NCAM2: variants seen among roughly 807,000 people sequenced by gnomAD.
NCAM2 encodes N-CAM-2.
Under a neutral mutation model 98.1 loss-of-function variants are expected in NCAM2, and 30 were observed. The ratio of observed to expected loss-of-function variants is 0.31; its 90% CI spans 0.23 to 0.41. The LOEUF (loss-of-function observed/expected upper bound fraction) is 0.41. Among genes scored for constraint, NCAM2 ranks in the 10% least tolerant of loss-of-function variants. NCAM2 has a pLI of 1.00. For synonymous variants in NCAM2, 368 were observed against 342.4 expected (o/e 1.07, Z -0.83); for missense variants, 867 against 1,005.8 (o/e 0.86, Z 1.87).
At chr21:21,102,088 C>CTT (rs778891230) in intron 1 of NCAM2, among the ~76,000 whole-genome samples, 7 of 151,968 alleles carry the variant, frequency 4.6e-5, no homozygotes, top group Non-Finnish European at 8.8e-5. Context: ...TCCTGAGTGT[C>CTT]TGAGTGCCAT....
Position 21,114,172 on chromosome 21 carries a change from C to T in NCAM2, c.55+115554C>T, listed in dbSNP as rs75669831. ...AAGCATTTTGAGTATGCTTTTTAAC[C>T]TAACTCTCAAATATCCTGATATATC... On this transcript the variant is annotated intron_variant, in intron 1 of 17. Transcript: ENST00000400546. 3.3e-3 allele frequency among the ~76,000 whole-genome samples: 495 copies of T among 152,122 alleles called. 1 individual carries two copies. Among genetic ancestry groups the T allele is most frequent in the African/African-American group, 0.011 (475 of 41,498 alleles).
chr21:21,232,509 G>T (rs558836912), intron 1 of NCAM2, among the ~76,000 whole-genome samples: 1 of 151,598 alleles, frequency 6.6e-6, no homozygotes, highest in Non-Finnish European at 1.5e-5. Flanking sequence ...TGGCAGTCAT[G>T]TCTTTGGCAT....
At chr21:21,218,394 T>G (rs1341799148) in intron 1 of NCAM2, among the ~76,000 whole-genome samples, 1 of 152,024 alleles carries the variant, frequency 6.6e-6, no homozygotes, top group East Asian at 1.9e-4. Context: ...AACTAGATAG[T>G]GAATGTTTAA....
intron 11 of NCAM2, among the ~76,000 whole-genome samples, chr21:21,430,617 G>T (rs1398443586): frequency 6.6e-6 from 1 of 151,900 alleles, no homozygotes; most frequent in East Asian, 1.9e-4. Flanking sequence ...AAAACGGGAA[G>T]AGCCAGACCA....
chr21:21,208,707 A>G (rs1281281959), intron 1 of NCAM2, among the ~76,000 whole-genome samples: 1 of 152,054 alleles, frequency 6.6e-6, no homozygotes, highest in Admixed American at 6.6e-5. Flanking sequence ...AATCTTTGAC[A>G]TTTTCTTCCT....
intron 16 of NCAM2, among the ~76,000 whole-genome samples, chr21:21,516,298 G>T (rs900289520): frequency 6.6e-6 from 1 of 152,080 alleles, no homozygotes; most frequent in East Asian, 1.9e-4. Context: ...CTAACAAATG[G>T]AGAGACCATT....
chr21:21,467,459 AT>A (rs2146216249), intron 13 of NCAM2, among the ~76,000 whole-genome samples: 1 of 76,716 alleles, frequency 1.3e-5, no homozygotes, highest in South Asian at 3.4e-4. Context: ...GACAGTCAAA[AT>A]GGCTGCAATA....
intron 1 of NCAM2, among the ~76,000 whole-genome samples, chr21:21,234,989 T>C (rs1285024967): frequency 6.6e-6 from 1 of 152,102 alleles, no homozygotes; most frequent in African/African-American, 2.4e-5. Flanking sequence ...TGCTATAATA[T>C]TTTGCAGTTT....
rs1156588500 is a variant in NCAM2 at position 21,479,583 on chromosome 21, CAAAA to C, written c.2077+2134_2077+2137del. Among the ~76,000 whole-genome samples the C allele has an allele frequency of 5.4e-3, 167 of 30,950 alleles. 6 individuals carry two copies. Among genetic ancestry groups the C allele is most frequent in the South Asian group, 0.027 (21 of 776 alleles). The allele number at this position is 30,950 out of a possible 152,430, so 20.3% of individuals were successfully genotyped here. On this transcript the variant is annotated intron_variant, in intron 15 of 17. Coordinates refer to ENST00000400546, the MANE Select transcript of NCAM2 (RefSeq NM_004540.5). ...TGGGAGACAGAGCGAGACTGCGTCT[CAAAA>C]AAAAAAAAAAAAAAAAAAAAATTGT...
At chr21:21,014,516 A>G (rs2064270331) in intron 1 of NCAM2, among the ~76,000 whole-genome samples, 1 of 152,188 alleles carries the variant, frequency 6.6e-6, no homozygotes, top group African/African-American at 2.4e-5. Flanking sequence ...TGTTTACAAC[A>G]TGATTTACTG....
At chr21:21,436,926 TA>T (rs1978434065) in intron 12 of NCAM2, among the ~76,000 whole-genome samples, 1 of 137,800 alleles carries the variant, frequency 7.3e-6, no homozygotes, top group Non-Finnish European at 1.6e-5. Context: ...CACACCTGGC[TA>T]ATTTTTTTTT....
At position 21,136,685 on chromosome 21, in the gene NCAM2, C is replaced by G. The variant is rs575432880; in HGVS notation, c.55+138067C>G. 1.0e-3 allele frequency among the ~76,000 whole-genome samples: 132 copies of G among 126,238 alleles called. 1 individual carries two copies. The highest frequency in any genetic ancestry group is 4.1e-3 in the African/African-American group (124 of 29,884). 82.8% of individuals were successfully genotyped at this position (126,238 alleles called of 152,430 possible). A position where few individuals can be genotyped will look rare whatever the true frequency, so the allele number is the denominator to read the frequency against. The stretch of plus-strand genomic sequence containing the variant: ...GTTTCACCGTTCTGCCCAGGCTGGT[C>G]TCGAACTCCTGAGCTCAGACAGTCT... On this transcript the variant is annotated intron_variant, in intron 1 of 17. Transcript: ENST00000400546.
intron 1 of NCAM2, among the ~76,000 whole-genome samples, chr21:21,100,495 C>T (rs1472488127): frequency 1.3e-5 from 2 of 151,666 alleles, no homozygotes; most frequent in Admixed American, 6.6e-5. Context: ...CGTGTAGAAA[C>T]GGGGAGAAAG....
In NCAM2 at chr21:21,186,181, A is replaced by G. The variant is rs191657551; in HGVS notation, c.56-94397A>G. Among the ~76,000 whole-genome samples the G allele has an allele frequency of 3.8e-3, 583 of 152,312 alleles. 2 individuals are homozygous for G. The highest frequency in any genetic ancestry group is 0.013 in the African/African-American group (558 of 41,578). On this transcript the variant is annotated intron_variant, in intron 1 of 17. Transcript: ENST00000400546. Reference sequence around the variant, plus strand: ...TATAAAGAGAAGTGAATTATGTTAAAGCTATCAAAAATTAGTTTTCAAAGG... The same window carrying G: ...TATAAAGAGAAGTGAATTATGTTAAGGCTATCAAAAATTAGTTTTCAAAGG...
intron 14 of NCAM2, among the ~76,000 whole-genome samples, chr21:21,471,544 G>A (rs1984442018): frequency 6.6e-6 from 1 of 151,898 alleles, no homozygotes; most frequent in Admixed American, 6.6e-5. Context: ...GTACATAGAG[G>A]AATCTGGAAA....
At chr21:21,066,511 A>G (rs1345347737) in intron 1 of NCAM2, among the ~76,000 whole-genome samples, 3 of 152,112 alleles carry the variant, frequency 2.0e-5, no homozygotes, top group Non-Finnish European at 4.4e-5. Flanking sequence ...GCATTATGGG[A>G]CACAGCTAAA....
At chr21:21,364,531 G>A (rs1332785928) in intron 8 of NCAM2, among the ~76,000 whole-genome samples, 1 of 151,686 alleles carries the variant, frequency 6.6e-6, no homozygotes, top group African/African-American at 2.4e-5. Flanking sequence ...TAATGACATA[G>A]GTATGTTAAC....
chr21:21,466,569 A>G (rs777886913), intron 12 of NCAM2, 37 bp from the exon 13 acceptor site: 1 of 1,438,736 alleles, frequency 7.0e-7, no homozygotes, highest in Non-Finnish European at 9.4e-7. Flanking sequence ...ATATGTATAT[A>G]TATGTTTTAT....
chr21:21,118,748 AAC>A (rs2066613909), intron 1 of NCAM2, among the ~76,000 whole-genome samples: 1 of 151,858 alleles, frequency 6.6e-6, no homozygotes, highest in South Asian at 2.1e-4. Context: ...ATCCATCCTC[AAC>A]ACACATATTA....
Sources: gnomAD v4.1 joint callset for allele counts (sites outside exome capture counted in the v4.1 genomes callset) on GRCh38, gnomAD v4.1.1 for gene constraint, MANE v1.5 for transcripts, NCBI Gene and HGNC (gene_info 2026-07-23, HGNC 2026-07-21) for gene names.